The following MACROD2 variants were observed in gnomAD, a reference collection of about 807,000 sequenced individuals.
MACROD2 encodes ADP-ribose glycohydrolase MACROD2.
Under a neutral mutation model 70.4 loss-of-function variants are expected in MACROD2, and 36 were observed. The observed-to-expected ratio is 0.51, with a 90% CI of 0.39 to 0.68. MACROD2 has a LOEUF of 0.68. Among genes scored for constraint, MACROD2 ranks in the 30% least tolerant of loss-of-function variants. MACROD2 has a pLI of 0.00. For synonymous variants in MACROD2, 172 were observed against 178.8 expected, an observed-to-expected ratio of 0.96 and a Z score of 0.30; for missense variants, 496 against 538.4, an observed-to-expected ratio of 0.92 and a Z score of 0.78.
At chr20:15,630,715 C>A (rs1411188589) in intron 8 of MACROD2, among the ~76,000 whole-genome samples, 2 of 152,184 alleles carry the variant, frequency 1.3e-5, no homozygotes, top group Non-Finnish European at 2.9e-5. Flanking sequence ...TTTGGCCGTG[C>A]ACAAAATGCA....
chr20:15,167,147 A>G (rs902977611), intron 5 of MACROD2, among the ~76,000 whole-genome samples: 1 of 152,150 alleles, frequency 6.6e-6, no homozygotes, highest in African/African-American at 2.4e-5. Context: ...AACACAAAAA[A>G]TACATTGAGT....
chr20:13,997,392 G>A (rs1050643223), intron 1 of MACROD2, among the ~76,000 whole-genome samples: 3 of 152,112 alleles, frequency 2.0e-5, no homozygotes, highest in Non-Finnish European at 2.9e-5. Flanking sequence ...TATTGATGAT[G>A]CTGAAATGTT....
chr20:14,899,126 C>T (rs957001987), intron 5 of MACROD2, among the ~76,000 whole-genome samples: 2 of 152,212 alleles, frequency 1.3e-5, no homozygotes, highest in Admixed American at 6.5e-5. Context: ...AACTGCACAT[C>T]TGCCTCCTTT....
chr20:14,427,534 T>A (rs1356227227), intron 3 of MACROD2, among the ~76,000 whole-genome samples: 1 of 151,694 alleles, frequency 6.6e-6, no homozygotes, highest in Non-Finnish European at 1.5e-5. Context: ...ACATGTAACA[T>A]AATATATAAC....
At chr20:14,913,986 C>T (rs2074059903) in intron 5 of MACROD2, among the ~76,000 whole-genome samples, 1 of 152,144 alleles carries the variant, frequency 6.6e-6, no homozygotes, top group Non-Finnish European at 1.5e-5. Flanking sequence ...AATAATTTCT[C>T]TTTGTTTGGC....
At chr20:14,939,359 T>C (rs1184647697) in intron 5 of MACROD2, among the ~76,000 whole-genome samples, 2 of 152,268 alleles carry the variant, frequency 1.3e-5, no homozygotes, top group Middle Eastern at 6.8e-3. Flanking sequence ...CCTTTCCTCA[T>C]TGTATGTTCT....
chr20:14,496,957 A>G (rs898098434), intron 4 of MACROD2, among the ~76,000 whole-genome samples: 1 of 151,650 alleles, frequency 6.6e-6, no homozygotes, highest in Admixed American at 6.6e-5. Context: ...AACTTCTTCA[A>G]AGTTGCATAG....
At chr20:15,894,858 A>G (rs1482788546) in intron 10 of MACROD2, among the ~76,000 whole-genome samples, 1 of 152,204 alleles carries the variant, frequency 6.6e-6, no homozygotes, top group Non-Finnish European at 1.5e-5. Flanking sequence ...AATTCACCCA[A>G]GATGTTAAGC....
At chr20:15,085,363 C>T (rs1176276966) in intron 5 of MACROD2, among the ~76,000 whole-genome samples, 1 of 151,914 alleles carries the variant, frequency 6.6e-6, no homozygotes, top group African/African-American at 2.4e-5. Context: ...AAACAACAAG[C>T]ACAAGCAAGA....
intron 3 of MACROD2, among the ~76,000 whole-genome samples, chr20:14,115,993 C>T (rs1232293653): frequency 1.3e-5 from 2 of 152,112 alleles, no homozygotes; most frequent in African/African-American, 4.8e-5. Flanking sequence ...TTTGTGGAGA[C>T]ACCGACCAGA....
chr20:15,079,622 G>A (rs1280207932), intron 5 of MACROD2, among the ~76,000 whole-genome samples: 1 of 151,932 alleles, frequency 6.6e-6, no homozygotes, highest in Non-Finnish European at 1.5e-5. Flanking sequence ...GAGTTCACAA[G>A]CCACTGTGAT....
chr20:14,600,579 T>C lies in MACROD2; in HGVS notation c.302-84264T>C, dbSNP rs370784363. 7.0e-4 allele frequency among the ~76,000 whole-genome samples: 106 copies of C among 152,270 alleles called. No homozygotes were observed. In the East Asian group the frequency reaches 0.012, roughly 17 times the overall value. On this transcript the variant is annotated intron_variant, in intron 4 of 17. Transcript: ENST00000684519. ...CTGTTCAAATGTTAATTTAGTCTTT[T>C]AATTAACACCAAGACATTGTATTAT... is the stretch of plus-strand genomic sequence containing the variant.
intron 6 of MACROD2, among the ~76,000 whole-genome samples, chr20:15,315,257 G>C (rs1319111955): frequency 3.9e-5 from 6 of 152,076 alleles, no homozygotes; most frequent in African/African-American, 1.4e-4. Flanking sequence ...AAATAGGAGA[G>C]AGAAAAAGAG....
chr20:15,472,901 T>C (rs1422104531), intron 7 of MACROD2, among the ~76,000 whole-genome samples: 3 of 152,202 alleles, frequency 2.0e-5, no homozygotes, highest in Admixed American at 1.3e-4. Context: ...TTGCCATAAA[T>C]ACATTTCTTC....
At chr20:15,028,899 G>T (rs966635687) in intron 5 of MACROD2, among the ~76,000 whole-genome samples, 14 of 152,210 alleles carry the variant, frequency 9.2e-5, no homozygotes, top group South Asian at 2.1e-4. Context: ...GGAGAAATGG[G>T]CAAGGAAGAA....
intron 7 of MACROD2, among the ~76,000 whole-genome samples, chr20:15,477,285 G>A (rs975612911): frequency 6.6e-6 from 1 of 151,664 alleles, no homozygotes; most frequent in African/African-American, 2.4e-5. Context: ...TGTATACATA[G>A]GACATCACTA....
At chr20:14,664,750 C>T (rs2070718652) in intron 4 of MACROD2, among the ~76,000 whole-genome samples, 1 of 152,094 alleles carries the variant, frequency 6.6e-6, no homozygotes, top group Non-Finnish European at 1.5e-5. Context: ...AAGTGCCTTA[C>T]ATTCTTGATC....
chr20:15,041,224 G>A (rs1466287825), intron 5 of MACROD2, among the ~76,000 whole-genome samples: 1 of 152,096 alleles, frequency 6.6e-6, no homozygotes, highest in Admixed American at 6.6e-5. Context: ...TCTAGAAAGG[G>A]CGTGACAAAT....
intron 12 of MACROD2, among the ~76,000 whole-genome samples, chr20:15,951,275 G>A (rs918399465): frequency 5.4e-5 from 8 of 147,892 alleles, no homozygotes; most frequent in African/African-American, 1.5e-4. Context: ...CAGCTATTCT[G>A]CCACTGTTCC....
Sources: allele counts gnomAD v4.1 joint callset (sites outside exome capture counted in the v4.1 genomes callset), GRCh38; gene constraint gnomAD v4.1.1; transcripts MANE v1.5; gene names NCBI Gene and HGNC (gene_info 2026-07-23, HGNC 2026-07-21).